LARP1: variants seen among roughly 807,000 people sequenced by gnomAD.
LARP1 encodes La ribonucleoprotein 1, translational regulator.
In LARP1, 36 loss-of-function variants were observed where a neutral mutation model predicts 122.7. The observed-to-expected ratio is 0.29, with a 90% confidence interval of 0.22 to 0.39. LARP1 has a LOEUF of 0.39. LARP1 is among the 10% of genes least tolerant of loss of function. The pLI is 1.00. For missense variants in LARP1, 1,040 were observed against 1,403.6 expected (o/e 0.74, Z 4.14); for synonymous variants, 539 against 528.7 (o/e 1.02, Z -0.27).
Position 154,802,120 on chromosome 5 carries a change from C to G in LARP1, c.1830C>G (p.Asp610Glu), listed in dbSNP as rs373845474. 2 of 1,614,138 alleles carry G rather than the reference C, an allele frequency of 1.2e-6. No individual in the cohort carries two copies. The highest frequency in any genetic ancestry group is 2.2e-5 in the South Asian group (2 of 91,074). The change falls in exon 11 of 19, where the codon GAC (aspartate) becomes GAG (glutamate). Residue 610 changes from aspartate to glutamate, a missense_variant. By Grantham distance (45) the Asp-to-Glu change is conservative. Transcript: ENST00000518297. The surrounding 1 kb of genome is among the most constrained non-coding windows in gnomAD (Gnocchi z 5.1). ...DEQEELDFLF[D>E]EEMEQMDGRK... ...AAGAGGAACTGGATTTTCTGTTTGA[C>G]GAGGAGATGGAGCAGATGGATGGGC...
intron 3 of LARP1, among the ~76,000 whole-genome samples, chr5:154,792,311 C>G (rs1757412002): frequency 1.3e-5 from 2 of 152,218 alleles, no homozygotes; most frequent in Admixed American, 1.3e-4. Flanking sequence ...CACAGACTAC[C>G]TAGACAACAT....
chr5:154,748,448 A>G (rs1753314906), intron 1 of LARP1, among the ~76,000 whole-genome samples: 1 of 152,218 alleles, frequency 6.6e-6, no homozygotes, highest in Non-Finnish European at 1.5e-5. Context: ...ATAACTGAGT[A>G]GAGAAAATGA....
chr5:154,773,823 C>A (rs1470240598), intron 1 of LARP1, among the ~76,000 whole-genome samples: 1 of 152,220 alleles, frequency 6.6e-6, no homozygotes, highest in African/African-American at 2.4e-5. Context: ...TGGCCTGTCT[C>A]TTGGGGAGAA....
chr5:154,798,838 T>C (rs2113816911), intron 8 of LARP1, among the ~76,000 whole-genome samples: 1 of 152,122 alleles, frequency 6.6e-6, no homozygotes, highest in African/African-American at 2.4e-5. Flanking sequence ...CCTCAGCACA[T>C]GTAAAGTTGG....
At chr5:154,705,117 C>CA (rs35003168) in intron 1 of LARP1, among the ~76,000 whole-genome samples, 73,102 of 106,868 alleles carry the variant, frequency 0.68, 23,950 homozygotes, top group African/African-American at 0.76. Context: ...GACTCCGTCT[C>CA]AAAAAAAAAA....
chr5:154,690,076 G>A (rs1345513197), intron 1 of LARP1, among the ~76,000 whole-genome samples: 1 of 151,964 alleles, frequency 6.6e-6, no homozygotes, highest in Non-Finnish European at 1.5e-5. Context: ...AAAAAATGAA[G>A]TGATTTACTC....
intron 1 of LARP1, among the ~76,000 whole-genome samples, chr5:154,696,365 C>T (rs918457808): frequency 9.3e-5 from 11 of 118,132 alleles, no homozygotes; most frequent in Admixed American, 8.9e-4. Flanking sequence ...TCAAAAACAA[C>T]AACAGCAACA....
intron 1 of LARP1, among the ~76,000 whole-genome samples, chr5:154,687,677 G>A (rs1317510456): frequency 2.0e-5 from 3 of 152,074 alleles, no homozygotes; most frequent in South Asian, 2.1e-4. Context: ...CACTGCGCCC[G>A]GCCTGTATTT....
At chr5:154,742,000 C>A (rs1306543935) in intron 1 of LARP1, among the ~76,000 whole-genome samples, 5 of 152,138 alleles carry the variant, frequency 3.3e-5, no homozygotes, top group African/African-American at 1.2e-4. Context: ...CATTCATGTT[C>A]CTTCTAATGA....
chr5:154,792,270 G>C (rs532100851), intron 3 of LARP1, among the ~76,000 whole-genome samples: 1 of 152,330 alleles, frequency 6.6e-6, no homozygotes, highest in African/African-American at 2.4e-5. Flanking sequence ...CAGAGTTGTT[G>C]TTGATAGGCC....
intron 1 of LARP1, 55 bp from the exon 2 acceptor site, chr5:154,790,270 A>C: frequency 6.8e-7 from 1 of 1,460,192 alleles, no homozygotes; most frequent in South Asian, 1.2e-5. Flanking sequence ...AGGAGCTGGC[A>C]GTAGCCCCCT....
At chr5:154,749,279 A>G (rs1446469433) in intron 1 of LARP1, among the ~76,000 whole-genome samples, 1 of 152,144 alleles carries the variant, frequency 6.6e-6, no homozygotes, top group African/African-American at 2.4e-5. Context: ...GGGATGGGAG[A>G]AGAGGCTGCA....
Position 154,811,310 on chromosome 5 carries a change from C to T in LARP1, c.2907C>T (p.Asp969=). 6.2e-7 allele frequency: 1 copy of T among 1,614,094 alleles called. No homozygotes were observed. The highest frequency in any genetic ancestry group is 8.5e-7 in the Non-Finnish European group (1 of 1,180,016). ...SYGLEKKFRL[D]IFKDFQEETV... ...GCCTGGAAAAGAAGTTCCGGCTGGA[C>T]ATATTCAAGGATTTTCAGGAGGAAA... The change falls in exon 17 of 19, where the codon GAC becomes GAT. Residue 969 remains aspartate, a synonymous_variant. Transcript: ENST00000518297.
intron 1 of LARP1, among the ~76,000 whole-genome samples, chr5:154,716,329 C>G (rs1755505194): frequency 6.6e-6 from 1 of 152,152 alleles, no homozygotes; most frequent in Non-Finnish European, 1.5e-5. Flanking sequence ...CCGTGTTGGC[C>G]AGGCTGGTCT....
chr5:154,761,898 T>G (rs1175508173), intron 1 of LARP1, among the ~76,000 whole-genome samples: 1 of 152,202 alleles, frequency 6.6e-6, no homozygotes, highest in Non-Finnish European at 1.5e-5. Flanking sequence ...GTGCTGAGGT[T>G]GTTTAGAGCG....
At chr5:154,776,220 C>T (rs1030646092) in intron 1 of LARP1, among the ~76,000 whole-genome samples, 2 of 152,138 alleles carry the variant, frequency 1.3e-5, no homozygotes, top group African/African-American at 4.8e-5. Context: ...AGAAGCTGTT[C>T]GGCTGTGAGG....
At chr5:154,703,919 C>T (rs977221130) in intron 1 of LARP1, among the ~76,000 whole-genome samples, 2 of 152,078 alleles carry the variant, frequency 1.3e-5, no homozygotes, top group African/African-American at 4.8e-5. Flanking sequence ...CCGCGCCCAG[C>T]CAAAATTTTT....
chr5:154,786,207 T>C (rs1367909093), intron 1 of LARP1, among the ~76,000 whole-genome samples: 1 of 152,036 alleles, frequency 6.6e-6, no homozygotes, highest in Non-Finnish European at 1.5e-5. Context: ...ACCCGGCTAA[T>C]TTTTTGTATT....
intron 16 of LARP1, among the ~76,000 whole-genome samples, chr5:154,810,143 A>G (rs535132412): frequency 6.6e-6 from 1 of 152,102 alleles, no homozygotes; most frequent in Admixed American, 6.5e-5. Context: ...ATCTGTTAAG[A>G]TCTAAATCTG....
Sources: allele counts gnomAD v4.1 joint callset (sites outside exome capture counted in the v4.1 genomes callset), GRCh38; gene constraint gnomAD v4.1.1; non-coding constraint Gnocchi (gnomAD v3.1); transcripts MANE v1.5; gene names NCBI Gene and HGNC (gene_info 2026-07-23, HGNC 2026-07-21).